Variants in FOXP2 observed in about 807,000 individuals in gnomAD.
FOXP2 encodes forkhead box P2.
In FOXP2, 12 loss-of-function variants were observed where a neutral mutation model predicts 115.8. The ratio of observed to expected loss-of-function variants is 0.10; its 90% CI spans 0.07 to 0.17. The LOEUF is 0.17. Among genes scored for constraint, FOXP2 ranks in the 10% least tolerant of loss-of-function variants. FOXP2 has a pLI of 1.00. For missense variants in FOXP2, 629 were observed against 843.5 expected (o/e 0.75, Z 3.15); for synonymous variants, 328 against 297.7 (o/e 1.10, Z -1.05).
intron 2 of FOXP2, among the ~76,000 whole-genome samples, chr7:114,401,769 A>AT (rs1388193610): frequency 6.6e-6 from 1 of 152,208 alleles, no homozygotes; most frequent in African/African-American, 2.4e-5. Context: ...TATGTATAGT[A>AT]TTTTTAAAGA....
chr7:114,300,245 A>G (rs1796847296), intron 2 of FOXP2, among the ~76,000 whole-genome samples: 1 of 152,192 alleles, frequency 6.6e-6, no homozygotes, highest in Non-Finnish European at 1.5e-5. Context: ...CTATATAACC[A>G]TAGGAAAGGG....
At chr7:114,564,836 G>T (rs1800926178) in intron 3 of FOXP2, among the ~76,000 whole-genome samples, 1 of 147,480 alleles carries the variant, frequency 6.8e-6, no homozygotes, top group African/African-American at 2.5e-5. Context: ...AGCCAAGATT[G>T]CTCCACTGCA....
At chr7:114,541,135 A>T (rs1799642306) in intron 3 of FOXP2, among the ~76,000 whole-genome samples, 1 of 152,072 alleles carries the variant, frequency 6.6e-6, no homozygotes, top group Non-Finnish European at 1.5e-5. Context: ...AGACATGTTG[A>T]GTTTGAGGAG....
At chr7:114,341,333 G>A (rs910766327) in intron 2 of FOXP2, among the ~76,000 whole-genome samples, 5 of 151,128 alleles carry the variant, frequency 3.3e-5, no homozygotes, top group Non-Finnish European at 4.5e-5. Context: ...CCCAAAGAGT[G>A]AGTATTATCA....
chr7:114,511,470 G>C (rs1798070899), intron 2 of FOXP2, among the ~76,000 whole-genome samples: 1 of 152,178 alleles, frequency 6.6e-6, no homozygotes, highest in Non-Finnish European at 1.5e-5. Flanking sequence ...GCAAAGGAAA[G>C]CTTTTGCATC....
intron 3 of FOXP2, among the ~76,000 whole-genome samples, chr7:114,612,241 C>T (rs1447573689): frequency 6.6e-6 from 1 of 151,928 alleles, no homozygotes; most frequent in Non-Finnish European, 1.5e-5. Flanking sequence ...TGGGAAGCAG[C>T]TCCTATATTA....
At chr7:114,486,693 C>A (rs1414106836) in intron 2 of FOXP2, among the ~76,000 whole-genome samples, 1 of 152,180 alleles carries the variant, frequency 6.6e-6, no homozygotes, top group Non-Finnish European at 1.5e-5. Flanking sequence ...GGTAAATATA[C>A]CCATTCCAAA....
intron 3 of FOXP2, among the ~76,000 whole-genome samples, chr7:114,576,869 T>C (rs574342747): frequency 1.3e-5 from 2 of 152,118 alleles, no homozygotes; most frequent in East Asian, 3.9e-4. Context: ...CACATCATCT[T>C]ATTTAGCATA....
At chr7:114,237,182 C>T (rs1240353213) in intron 1 of FOXP2, among the ~76,000 whole-genome samples, 1 of 151,892 alleles carries the variant, frequency 6.6e-6, no homozygotes, top group Non-Finnish European at 1.5e-5. Context: ...ATATTTATGC[C>T]CTGAAACATT....
chr7:114,580,861 G>A (rs922369872), intron 3 of FOXP2, among the ~76,000 whole-genome samples: 37 of 152,060 alleles, frequency 2.4e-4, no homozygotes, highest in African/African-American at 8.9e-4. Context: ...CACTGAGTTG[G>A]AGATGATGCA....
In FOXP2 at chr7:114,478,326, C is replaced by T. The variant is rs923019179; in HGVS notation, c.168+51647C>T. 3.3e-5 allele frequency among the ~76,000 whole-genome samples: 5 copies of T among 151,550 alleles called. No homozygotes were observed. The East Asian group carries it at 7.7e-4, about 23-fold the overall frequency. ...TCAAAGTATTTATTGCTTGTTTTTA[C>T]GTAGTACAATTTGAAACTTATTCAG... On this transcript the variant is annotated intron_variant, in intron 2 of 16. Transcript: ENST00000350908.
At chr7:114,669,567 A>T (rs536853249) in intron 16 of FOXP2, 1 of 152,052 alleles carries the variant, frequency 6.6e-6, no homozygotes, top group Non-Finnish European at 1.5e-5. Flanking sequence ...TGAATTAAAA[A>T]TGACTAGCTT....
At chr7:114,242,710 A>G (rs1361740345) in intron 1 of FOXP2, among the ~76,000 whole-genome samples, 1 of 152,168 alleles carries the variant, frequency 6.6e-6, no homozygotes, top group Admixed American at 6.5e-5. Context: ...AGAAATATGT[A>G]AAAGATATTC....
chr7:114,174,919 T>C (rs1332270978), intron 1 of FOXP2, among the ~76,000 whole-genome samples: 3 of 152,116 alleles, frequency 2.0e-5, no homozygotes, highest in Non-Finnish European at 4.4e-5. Flanking sequence ...GTTACTATCC[T>C]AAGAAAGTAG....
chr7:114,303,842 C>A (rs2129178754), intron 2 of FOXP2, among the ~76,000 whole-genome samples: 1 of 152,144 alleles, frequency 6.6e-6, no homozygotes, highest in South Asian at 2.1e-4. Context: ...AAAAGTAGAA[C>A]ATTGACTATA....
chr7:114,331,159 A>G (rs1797701257), intron 2 of FOXP2, among the ~76,000 whole-genome samples: 2 of 152,210 alleles, frequency 1.3e-5, no homozygotes, highest in Non-Finnish European at 2.9e-5. Context: ...TTTTTGATAA[A>G]TAAGACAAAT....
intron 3 of FOXP2, among the ~76,000 whole-genome samples, chr7:114,545,855 T>C (rs1799896914): frequency 6.6e-6 from 1 of 152,192 alleles, no homozygotes; most frequent in Admixed American, 6.5e-5. Context: ...TGGTGAAGTC[T>C]CCTTTAATAT....
In FOXP2 at chr7:114,690,126, CTTCTT is replaced by C. The variant is rs1428369445; in HGVS notation, c.*203_*207del. On this transcript the variant is annotated 3_prime_UTR_variant, in exon 17 of 17. Coordinates refer to ENST00000350908, the MANE Select transcript of FOXP2 (RefSeq NM_014491.4). ...AATTGCTTGTTTTCTTCTTCTTCTT[CTTCTT>C]TTTTTTTTTTTTTTTAGAAAAAAAG... 68 of 472,350 alleles carry C rather than the reference CTTCTT, an allele frequency of 1.4e-4. No individual in the cohort carries two copies. Among genetic ancestry groups the C allele is most frequent in the East Asian group, 4.5e-4 (10 of 22,120 alleles). The allele number at this position is 472,350 out of a possible 1,614,324, so 29.3% of individuals were successfully genotyped here.
intron 1 of FOXP2, among the ~76,000 whole-genome samples, chr7:114,091,879 A>G (rs1447243434): frequency 6.6e-6 from 1 of 151,970 alleles, no homozygotes; most frequent in African/African-American, 2.4e-5. Context: ...TGAAATACAC[A>G]TTCTTGGACC....
Sources: allele counts gnomAD v4.1 joint callset (sites outside exome capture counted in the v4.1 genomes callset), GRCh38; gene constraint gnomAD v4.1.1; transcripts MANE v1.5; gene names NCBI Gene and HGNC (gene_info 2026-07-23, HGNC 2026-07-21).